The following PCDH15 variants were observed in gnomAD, a reference collection of about 807,000 sequenced individuals.
The protein encoded by PCDH15 is protocadherin-15.
Under a neutral mutation model 178.5 loss-of-function variants are expected in PCDH15, and 129 were observed. The observed-to-expected ratio is 0.72, with a 90% CI of 0.63 to 0.84. The LOEUF (loss-of-function observed/expected upper bound fraction) is 0.84. Among genes scored for constraint, PCDH15 ranks in the 40% least tolerant of loss-of-function variants. The probability of loss-of-function intolerance (pLI) is 0.00; values close to 1 mark genes in which losing one functional copy is unlikely to be tolerated. For missense variants in PCDH15, 2,230 were observed against 2,099.9 expected (o/e 1.06, Z -1.21); for synonymous variants, 800 against 732.0 (o/e 1.09, Z -1.50).
chr10:54,412,003 T>C (rs1953598639), intron 3 of PCDH15, among the ~76,000 whole-genome samples: 1 of 152,142 alleles, frequency 6.6e-6, no homozygotes, highest in Non-Finnish European at 1.5e-5. Flanking sequence ...ATTCACTACT[T>C]AGGGTGACCT....
At position 54,343,571 on chromosome 10, in the gene PCDH15, C is replaced by T. The variant is rs565118875; in HGVS notation, c.594+2794G>A. Among the ~76,000 whole-genome samples, 4 of 149,926 alleles carry T rather than the reference C, an allele frequency of 2.7e-5. No individual in the cohort carries two copies. In the South Asian group the frequency reaches 6.3e-4, roughly 24 times the overall value. On this transcript the variant is annotated intron_variant, in intron 6 of 37. Transcript: ENST00000644397. ...AGTTCAGCAACTATTTATTCCCAAA[C>T]TTGTTGCTTCTTTGTTTTAGAACAC...
chr10:54,367,086 T>G (rs751963740), intron 5 of PCDH15, among the ~76,000 whole-genome samples: 15 of 152,120 alleles, frequency 9.9e-5, no homozygotes, highest in Non-Finnish European at 1.9e-4. Flanking sequence ...AACAAAATTT[T>G]GAGACTTGCA....
chr10:54,352,056 G>C (rs1247996048), intron 5 of PCDH15, among the ~76,000 whole-genome samples: 1 of 152,004 alleles, frequency 6.6e-6, no homozygotes. Context: ...AATTCCACTG[G>C]CATCAATATC....
intron 2 of PCDH15, among the ~76,000 whole-genome samples, chr10:54,546,209 C>T (rs1221332731): frequency 6.6e-6 from 1 of 152,116 alleles, no homozygotes; most frequent in East Asian, 1.9e-4. Context: ...TTAGTAAATT[C>T]ATTACAGATG....
chr10:53,855,090 A>G (rs896828065), intron 28 of PCDH15, among the ~76,000 whole-genome samples: 16 of 152,030 alleles, frequency 1.1e-4, no homozygotes, highest in Admixed American at 2.0e-4. Context: ...TGCTTGTAAA[A>G]CATCCTTTCA....
At chr10:55,210,837 C>T (rs923462129) in intron 1 of PCDH15, among the ~76,000 whole-genome samples, 1 of 151,128 alleles carries the variant, frequency 6.6e-6, no homozygotes, top group African/African-American at 2.4e-5. Context: ...CCATGTTGGC[C>T]GGATGGTCTT....
At chr10:55,519,050 C>A (rs1424932419) in intron 2 of PCDH15, among the ~76,000 whole-genome samples, 1 of 135,738 alleles carries the variant, frequency 7.4e-6, no homozygotes, top group East Asian at 2.4e-4. Context: ...ATGGAGATTG[C>A]ACCACTGCAC....
At chr10:55,253,212 T>C (rs969134302) in intron 1 of PCDH15, among the ~76,000 whole-genome samples, 5 of 146,412 alleles carry the variant, frequency 3.4e-5, no homozygotes, top group African/African-American at 1.3e-4. Context: ...CATGGAGAAA[T>C]AGAGAGAGAG....
intron 18 of PCDH15, among the ~76,000 whole-genome samples, chr10:54,042,630 G>T (rs2093572517): frequency 6.6e-6 from 1 of 152,086 alleles, no homozygotes; most frequent in Non-Finnish European, 1.5e-5. Context: ...AGTGTGGCTG[G>T]AGTGGAGTGA....
At chr10:53,946,928 C>A (rs1372123010) in intron 23 of PCDH15, among the ~76,000 whole-genome samples, 1 of 152,032 alleles carries the variant, frequency 6.6e-6, no homozygotes, top group Non-Finnish European at 1.5e-5. Flanking sequence ...AGGCGCCCAC[C>A]ACCACACCTG....
chr10:54,127,580 T>C (rs1392892409), intron 15 of PCDH15, among the ~76,000 whole-genome samples: 2 of 152,192 alleles, frequency 1.3e-5, no homozygotes, highest in African/African-American at 4.8e-5. Context: ...AGTCTAGAAA[T>C]GGAGTGAGGA....
intron 2 of PCDH15, among the ~76,000 whole-genome samples, chr10:55,448,882 C>T (rs1839373347): frequency 6.6e-6 from 1 of 151,942 alleles, no homozygotes; most frequent in African/African-American, 2.4e-5. Context: ...AGAAGCCACC[C>T]TATTCAGGAA....
intron 21 of PCDH15, among the ~76,000 whole-genome samples, chr10:53,986,696 A>G (rs1401910856): frequency 1.3e-5 from 2 of 152,208 alleles, no homozygotes; most frequent in African/African-American, 4.8e-5. Context: ...AATCTTGAGG[A>G]CATTATGGTA....
chr10:55,016,736 G>A, intron 2 of PCDH15, among the ~76,000 whole-genome samples: 1 of 152,106 alleles, frequency 6.6e-6, no homozygotes, highest in East Asian at 1.9e-4. Context: ...TCAATATACT[G>A]ATTTCCTTTC....
At chr10:55,512,102 G>A (rs1840897385) in intron 2 of PCDH15, among the ~76,000 whole-genome samples, 1 of 152,028 alleles carries the variant, frequency 6.6e-6, no homozygotes, top group African/African-American at 2.4e-5. Flanking sequence ...TTAAAGAGGT[G>A]CTGGAAACGA....
At chr10:53,873,504 A>G (rs532890969) in intron 26 of PCDH15, among the ~76,000 whole-genome samples, 1 of 152,300 alleles carries the variant, frequency 6.6e-6, no homozygotes, top group South Asian at 2.1e-4. Flanking sequence ...GCACAGAGAG[A>G]TTAGTAACTT....
At chr10:54,105,317 T>TATATACAC (rs1233590982) in intron 15 of PCDH15, among the ~76,000 whole-genome samples, 188 of 91,546 alleles carry the variant, frequency 2.1e-3, no homozygotes, top group Non-Finnish European at 3.5e-3. Context: ...TATATATATA[T>TATATACAC]ACACACACAC....
intron 2 of PCDH15, among the ~76,000 whole-genome samples, chr10:54,551,679 A>G (rs1052330822): frequency 1.3e-5 from 2 of 152,076 alleles, no homozygotes; most frequent in African/African-American, 4.8e-5. Flanking sequence ...AATTAAATGT[A>G]TCATATTTTC....
At chr10:54,428,913 G>T (rs1196943928) in intron 3 of PCDH15, among the ~76,000 whole-genome samples, 1 of 152,196 alleles carries the variant, frequency 6.6e-6, no homozygotes, top group Non-Finnish European at 1.5e-5. Context: ...AACAAAAGCT[G>T]AGGAACTTCA....
Sources: gnomAD v4.1 joint callset for allele counts (sites outside exome capture counted in the v4.1 genomes callset) on GRCh38, gnomAD v4.1.1 for gene constraint, MANE v1.5 for transcripts, NCBI Gene and HGNC (gene_info 2026-07-23, HGNC 2026-07-21) for gene names.